Variants in WWP2 observed in about 807,000 individuals in gnomAD.
WWP2 encodes WW domain containing E3 ubiquitin protein ligase 2.
A neutral mutation model predicts 121.0 loss-of-function variants in WWP2; 57 were observed. The observed-to-expected ratio is 0.47, with a 90% CI of 0.38 to 0.59. The LOEUF is 0.59. Among genes scored for constraint, WWP2 ranks in the 20% least tolerant of loss-of-function variants. The pLI is 0.00. For synonymous variants in WWP2, 449 were observed against 441.3 expected (o/e 1.02, Z -0.22); for missense variants, 962 against 1,158.9 (o/e 0.83, Z 2.47).
In WWP2 at chr16:69,937,763, C is replaced by A; in HGVS notation, c.2343+111C>A. 1.0e-6 allele frequency: 1 copy of A among 974,882 alleles called. No individual in the cohort carries two copies. The allele number at this position is 974,882 out of a possible 1,614,324, so 60.4% of individuals were successfully genotyped here. The stretch of plus-strand genomic sequence containing the variant: ...CCTTCAGCTTTGGCCCTGTCCTTGC[C>A]TCCCACACCTTGCAAAAGGAGACGA... On this transcript the variant is annotated intron_variant, in intron 21 of 23. Coordinates refer to ENST00000359154, the MANE Select transcript of WWP2 (RefSeq NM_001270454.2). The surrounding 1 kb of genome is among the most constrained non-coding windows in gnomAD (Gnocchi z 6.6).
chr16:69,762,661 C>T (rs2038639929), intron 1 of WWP2, among the ~76,000 whole-genome samples: 1 of 152,098 alleles, frequency 6.6e-6, no homozygotes, highest in Admixed American at 6.5e-5. Context: ...GGAGCGAGTC[C>T]TCCCGGAAGG....
chr16:69,899,503 G>T (rs2058164354), intron 8 of WWP2, among the ~76,000 whole-genome samples: 1 of 152,156 alleles, frequency 6.6e-6, no homozygotes, highest in Admixed American at 6.5e-5. Flanking sequence ...GCCGAGGCAG[G>T]TGGATCACCT....
At chr16:69,772,870 T>A (rs34763880) in intron 1 of WWP2, among the ~76,000 whole-genome samples, 2,073 of 152,208 alleles carry the variant, frequency 0.014, 42 homozygotes, top group African/African-American at 0.044. Context: ...TTGACCTCTC[T>A]TGTGGGCAGC....
At chr16:69,907,798 AT>A (rs1567422794) in intron 8 of WWP2, among the ~76,000 whole-genome samples, 1 of 152,246 alleles carries the variant, frequency 6.6e-6, no homozygotes, top group Admixed American at 6.5e-5. Flanking sequence ...ATTTGACTTC[AT>A]AGGTAGAGCA....
At chr16:69,849,186 G>A (rs935951044) in intron 6 of WWP2, among the ~76,000 whole-genome samples, 1 of 152,200 alleles carries the variant, frequency 6.6e-6, no homozygotes, top group African/African-American at 2.4e-5. Flanking sequence ...AGGAAGTCCT[G>A]GGAGGGCCGG....
At chr16:69,795,649 GTTTTTTTTT>G (rs386384998) in intron 2 of WWP2, among the ~76,000 whole-genome samples, 3 of 66,928 alleles carry the variant, frequency 4.5e-5, no homozygotes, top group Non-Finnish European at 5.2e-5. Context: ...AAAATAGGAG[GTTTTTTTTT>G]TTTTTTTTTT....
At chr16:69,834,122 C>A (rs1324125155) in intron 4 of WWP2, among the ~76,000 whole-genome samples, 1 of 152,196 alleles carries the variant, frequency 6.6e-6, no homozygotes, top group East Asian at 1.9e-4. Context: ...TGCTCAAAAC[C>A]CTGTAACGGA....
Position 69,888,252 on chromosome 16 carries a change from G to A in WWP2, c.914+3G>A. 6.2e-7 allele frequency: 1 copy of A among 1,613,708 alleles called. No homozygotes were observed. Among genetic ancestry groups the A allele is most frequent in the Non-Finnish European group, 8.5e-7 (1 of 1,179,888 alleles). ...GCCCCCGACGCTCTGCCTGCTGGGT[G>A]AGTAGTCTTCTGTCCCATAACAGAT... is the stretch of plus-strand genomic sequence containing the variant. On this transcript the variant is annotated splice_donor_region_variant and intron_variant, in intron 8 of 23. Transcript: ENST00000359154.
chr16:69,828,068 A>T, intron 4 of WWP2: 5 of 361,648 alleles, frequency 1.4e-5, no homozygotes, highest in Non-Finnish European at 2.2e-5. Flanking sequence ...GTGCATATGT[A>T]CTTTTTTTTT....
chr16:69,851,026 T>A (rs56117028), intron 6 of WWP2, among the ~76,000 whole-genome samples: 161 of 142,498 alleles, frequency 1.1e-3, no homozygotes, highest in East Asian at 1.8e-3. Context: ...TTTTTTTTTT[T>A]GGACAGAGTC....
intron 6 of WWP2, among the ~76,000 whole-genome samples, chr16:69,871,092 C>G (rs1009381495): frequency 6.6e-6 from 1 of 151,862 alleles, no homozygotes; most frequent in African/African-American, 2.4e-5. Context: ...TTGAGACCAG[C>G]CTTGGCAACA....
chr16:69,765,344 T>G (rs1400518602), intron 1 of WWP2, among the ~76,000 whole-genome samples: 1 of 152,230 alleles, frequency 6.6e-6, no homozygotes, highest in Non-Finnish European at 1.5e-5. Context: ...GGCTTGCACT[T>G]GTGGCTCCCA....
At chr16:69,918,210 T>G (rs186859296) in intron 10 of WWP2, among the ~76,000 whole-genome samples, 1 of 152,292 alleles carries the variant, frequency 6.6e-6, no homozygotes, top group African/African-American at 2.4e-5. Context: ...TTGCTTTGAC[T>G]TCTCCCATCC....
At chr16:69,930,065 G>A in intron 12 of WWP2, 65 bp from the exon 13 acceptor site, 2 of 1,606,994 alleles carry the variant, frequency 1.2e-6, no homozygotes, top group East Asian at 4.5e-5. Flanking sequence ...TGAGGACCCA[G>A]CCTCCAACCA....
chr16:69,838,748 A>G (rs916649750), intron 4 of WWP2: 54 of 985,268 alleles, frequency 5.5e-5, no homozygotes, highest in Non-Finnish European at 6.4e-5. Context: ...TTTTATAGAA[A>G]CGTTTAGTAC....
At position 69,940,046 on chromosome 16, in the gene WWP2, C is replaced by A; in HGVS notation, c.*106C>A. The A allele has an allele frequency of 2.2e-6, 2 of 899,798 alleles. No individual in the cohort carries two copies. The highest frequency in any genetic ancestry group is 1.7e-6 in the Non-Finnish European group (1 of 590,284). 55.7% of individuals were successfully genotyped at this position (899,798 alleles called of 1,614,324 possible). A position where few individuals can be genotyped will look rare whatever the true frequency, so the allele number is the denominator to read the frequency against. On this transcript the variant is annotated 3_prime_UTR_variant, in exon 24 of 24. Transcript: ENST00000359154. ...CCTTGGGAGGCCCCCGTGGATGTGG[C>A]CCTGTGTGGGACCACACTGTCATCT...
intron 2 of WWP2, 53 bp from the exon 3 acceptor site, chr16:69,798,629 G>A: frequency 3.9e-6 from 6 of 1,557,420 alleles, no homozygotes; most frequent in South Asian, 1.2e-5. Context: ...CCACAGGGGG[G>A]CATCTGGGAG....
At chr16:69,783,778 T>TCAACAACAACAACAACAA (rs979156071) in intron 1 of WWP2, among the ~76,000 whole-genome samples, 4 of 100,680 alleles carry the variant, frequency 4.0e-5, no homozygotes, top group African/African-American at 1.3e-4. Flanking sequence ...AGACCTTGTT[T>TCAACAACAACAACAACAA]CTACAACAAC....
intron 10 of WWP2, among the ~76,000 whole-genome samples, chr16:69,923,420 A>ATT (rs34887959): frequency 0.051 from 7,742 of 151,812 alleles, 290 homozygotes; most frequent in African/African-American, 0.095. Context: ...GAAGGCTGAG[A>ATT]TTTTTTTTAA....
Sources: allele counts gnomAD v4.1 joint callset (sites outside exome capture counted in the v4.1 genomes callset), GRCh38; gene constraint gnomAD v4.1.1; non-coding constraint Gnocchi (gnomAD v3.1); transcripts MANE v1.5; gene names NCBI Gene and HGNC (gene_info 2026-07-23, HGNC 2026-07-21).